The following GRM8 variants were observed in gnomAD, a reference collection of about 807,000 sequenced individuals.
GRM8 encodes the protein metabotropic glutamate receptor 8.
A neutral mutation model predicts 87.2 loss-of-function variants in GRM8; 47 were observed. The observed-to-expected ratio is 0.54, with a 90% CI of 0.43 to 0.69. The LOEUF (loss-of-function observed/expected upper bound fraction) is 0.69, where lower values mean the gene tolerates loss of function less well. Among genes scored for constraint, GRM8 ranks in the 30% least tolerant of loss-of-function variants. GRM8 has a pLI of 0.00. For synonymous variants in GRM8, 396 were observed against 404.5 expected (o/e 0.98, Z 0.25); for missense variants, 1,019 against 1,139.2 (o/e 0.89, Z 1.52).
intron 6 of GRM8, 96 bp from the exon 7 acceptor site, chr7:126,770,161 T>TGAGACA (rs1463278661): frequency 2.6e-6 from 2 of 770,638 alleles, no homozygotes; most frequent in African/African-American, 3.5e-5. Context: ...GAACACTTAA[T>TGAGACA]GAGACACGAC....
At chr7:126,967,680 G>A (rs1217216954) in intron 3 of GRM8, among the ~76,000 whole-genome samples, 2 of 152,028 alleles carry the variant, frequency 1.3e-5, no homozygotes, top group Non-Finnish European at 1.5e-5. Flanking sequence ...ATTTTAAAAT[G>A]TTCAATCACA....
At chr7:126,449,708 A>T (rs532719797) in intron 9 of GRM8, among the ~76,000 whole-genome samples, 1 of 151,978 alleles carries the variant, frequency 6.6e-6, no homozygotes, top group South Asian at 2.1e-4. Context: ...ACAGCTCTTT[A>T]TCTCAAAGTT....
intron 2 of GRM8, among the ~76,000 whole-genome samples, chr7:127,141,814 A>T (rs531102477): frequency 6.6e-6 from 1 of 152,178 alleles, no homozygotes; most frequent in South Asian, 2.1e-4. Context: ...GGAGATCTAC[A>T]TCCAAACCAG....
chr7:127,111,520 C>G (rs959940675), intron 2 of GRM8, among the ~76,000 whole-genome samples: 8 of 152,232 alleles, frequency 5.3e-5, no homozygotes, highest in Admixed American at 5.2e-4. Flanking sequence ...ATGATCCTCC[C>G]TCTTTCTTGC....
chr7:126,516,966 G>T (rs981837517), intron 9 of GRM8, among the ~76,000 whole-genome samples: 2 of 151,816 alleles, frequency 1.3e-5, no homozygotes, highest in African/African-American at 2.4e-5. Flanking sequence ...AGAAAAAAAA[G>T]TCTTATAAAC....
intron 8 of GRM8, among the ~76,000 whole-genome samples, chr7:126,600,524 C>A (rs1469388095): frequency 6.6e-6 from 1 of 152,136 alleles, no homozygotes; most frequent in Non-Finnish European, 1.5e-5. Flanking sequence ...TGGCAGGGAA[C>A]AGTCACTGAA....
intron 3 of GRM8, among the ~76,000 whole-genome samples, chr7:126,948,038 C>T (rs1279406372): frequency 6.6e-6 from 1 of 152,140 alleles, no homozygotes; most frequent in Non-Finnish European, 1.5e-5. Context: ...ATCCGTTAAT[C>T]CACTCATGTA....
chr7:126,755,498 G>A (rs1438729146), intron 7 of GRM8, among the ~76,000 whole-genome samples: 1 of 151,916 alleles, frequency 6.6e-6, no homozygotes, highest in African/African-American at 2.4e-5. Context: ...AGAAAAAGGA[G>A]CAATGTACAA....
intron 9 of GRM8, among the ~76,000 whole-genome samples, chr7:126,490,789 T>C (rs1218534956): frequency 6.6e-6 from 1 of 152,122 alleles, no homozygotes; most frequent in Non-Finnish European, 1.5e-5. Context: ...TCACCGTCTT[T>C]TATGCAGCTT....
In GRM8 at chr7:127,000,971, A is replaced by G. The variant is rs548548214; in HGVS notation, c.728-96288T>C. 2.6e-5 allele frequency among the ~76,000 whole-genome samples: 4 copies of G among 151,800 alleles called. No homozygotes were observed. The South Asian group carries it at 8.3e-4, about 31-fold the overall frequency. On this transcript the variant is annotated intron_variant, in intron 3 of 10. Transcript: ENST00000339582. ...CATATTAAAATGTAAAGGATCCACA[A>G]TAGCCAAAATCATTTGAAAAGAACT...
At chr7:126,676,828 G>T (rs1473478433) in intron 7 of GRM8, among the ~76,000 whole-genome samples, 1 of 152,078 alleles carries the variant, frequency 6.6e-6, no homozygotes, top group Non-Finnish European at 1.5e-5. Context: ...TGAATTTGTG[G>T]CTAAGACCCC....
intron 2 of GRM8, chr7:127,219,786 C>T (rs1393749206): frequency 1.3e-5 from 2 of 152,214 alleles, no homozygotes; most frequent in Non-Finnish European, 2.9e-5. Flanking sequence ...TACCCATGAA[C>T]CACTATACCC....
intron 3 of GRM8, among the ~76,000 whole-genome samples, chr7:126,912,735 C>T (rs1410248828): frequency 6.6e-6 from 1 of 152,136 alleles, no homozygotes; most frequent in Non-Finnish European, 1.5e-5. Flanking sequence ...AAGGTCAATT[C>T]ACCATATGTA....
intron 6 of GRM8, among the ~76,000 whole-genome samples, chr7:126,843,422 G>A (rs1400912298): frequency 6.6e-6 from 1 of 152,216 alleles, no homozygotes; most frequent in African/African-American, 2.4e-5. Context: ...ATCCAATTGA[G>A]ATCCAAGTGA....
chr7:126,812,854 A>G (rs571496057), intron 6 of GRM8, among the ~76,000 whole-genome samples: 1 of 152,206 alleles, frequency 6.6e-6, no homozygotes, highest in East Asian at 1.9e-4. Flanking sequence ...CTTTGCAACC[A>G]AGGAGGTTTC....
intron 9 of GRM8, among the ~76,000 whole-genome samples, chr7:126,460,979 A>T (rs1390123873): frequency 1.3e-5 from 2 of 151,518 alleles, no homozygotes; most frequent in Non-Finnish European, 3.0e-5. Flanking sequence ...AGGACAGTGA[A>T]CTCAGACATC....
At position 126,493,604 on chromosome 7, in the gene GRM8, C is replaced by A. The variant is rs73722629; in HGVS notation, c.2430+39348G>T. Among the ~76,000 whole-genome samples the A allele has an allele frequency of 4.3e-3, 659 of 152,100 alleles. 2 individuals carry two copies. Among genetic ancestry groups the A allele is most frequent in the African/African-American group, 0.015 (636 of 41,542 alleles). On this transcript the variant is annotated intron_variant, in intron 9 of 10. Coordinates refer to ENST00000339582, the MANE Select transcript of GRM8 (RefSeq NM_000845.3). Reference sequence around the variant, plus strand: ...TGTATGCAATAGCACAGGTCTACAGCTGCGCTACCTTTGACTAACGCAGCC... The same window carrying A: ...TGTATGCAATAGCACAGGTCTACAGATGCGCTACCTTTGACTAACGCAGCC...
chr7:126,547,814 C>T (rs9942592), intron 8 of GRM8, among the ~76,000 whole-genome samples: 51,068 of 151,350 alleles, frequency 0.34, 8,928 homozygotes, highest in East Asian at 0.44. Context: ...AATATACAAA[C>T]ATTAGTTTAT....
At chr7:126,926,197 CAGG>C (rs917503941) in intron 3 of GRM8, among the ~76,000 whole-genome samples, 3 of 152,088 alleles carry the variant, frequency 2.0e-5, no homozygotes, top group East Asian at 3.8e-4. Flanking sequence ...TGTAAGCTAT[CAGG>C]AGTTCTGAAA....
Sources: gnomAD v4.1 joint callset for allele counts (sites outside exome capture counted in the v4.1 genomes callset) on GRCh38, gnomAD v4.1.1 for gene constraint, MANE v1.5 for transcripts, NCBI Gene and HGNC (gene_info 2026-07-23, HGNC 2026-07-21) for gene names.